SGK3: variants seen among roughly 807,000 people sequenced by gnomAD.
SGK3 encodes serine/threonine-protein kinase Sgk3.
In SGK3, 47 loss-of-function variants were observed where a neutral mutation model predicts 68.5. The observed-to-expected ratio is 0.69, with a 90% CI of 0.54 to 0.87. The LOEUF (loss-of-function observed/expected upper bound fraction) is 0.87, where lower values mean the gene tolerates loss of function less well. Ranked by LOEUF, SGK3 falls within the 40% of genes least tolerant of loss-of-function variation. The pLI is 0.00. For missense variants in SGK3, 479 were observed against 575.5 expected (o/e 0.83, Z 1.72); for synonymous variants, 181 against 189.1 (o/e 0.96, Z 0.35).
intron 1 of SGK3, among the ~76,000 whole-genome samples, chr8:66,747,280 T>C (rs994469442): frequency 6.6e-6 from 1 of 152,194 alleles, no homozygotes; most frequent in African/African-American, 2.4e-5. Flanking sequence ...CTCATTTTAA[T>C]GGTTTTGTTG....
intron 1 of SGK3, chr8:66,767,681 C>A (rs1806362881): frequency 7.1e-7 from 1 of 1,414,332 alleles, no homozygotes; most frequent in African/African-American, 1.4e-5. Flanking sequence ...GGATAGCCAT[C>A]ATCTGAGGCA....
At chr8:66,840,550 A>C in intron 12 of SGK3, 6 of 289,984 alleles carry the variant, frequency 2.1e-5, no homozygotes, top group Non-Finnish European at 3.8e-5. Flanking sequence ...GTGAAAACTG[A>C]ACAAGGTTGA....
intron 1 of SGK3, among the ~76,000 whole-genome samples, chr8:66,760,820 T>C (rs1357259837): frequency 6.6e-6 from 1 of 152,166 alleles, no homozygotes; most frequent in Middle Eastern, 3.2e-3. Context: ...AGAAGTGCTT[T>C]ATGTATACTT....
chr8:66,754,815 G>A (rs1805924607), intron 1 of SGK3, among the ~76,000 whole-genome samples: 1 of 152,218 alleles, frequency 6.6e-6, no homozygotes. Context: ...TTATATGCTA[G>A]TGATAAGCAA....
chr8:66,861,472 A>G lies in SGK3; in HGVS notation c.*1891A>G, dbSNP rs944647629. 2 of 152,188 alleles carry G rather than the reference A, an allele frequency of 1.3e-5. No individual in the cohort carries two copies. The highest frequency in any genetic ancestry group is 2.9e-5 in the Non-Finnish European group (2 of 68,026). The allele number at this position is 152,188 out of a possible 1,614,324, so 9.4% of individuals were successfully genotyped here. A position where few individuals can be genotyped will look rare whatever the true frequency, so the allele number is the denominator to read the frequency against. ...ATTTTAAAAAAAAGAGAGAGTAACT[A>G]CAGAAGAACTTTAAAAAATAAAAAA... On this transcript the variant is annotated 3_prime_UTR_variant, in exon 17 of 17. Transcript: ENST00000521198.
In SGK3 at chr8:66,852,277, CTTTTTTTTTTTTT is replaced by C. The variant is rs1204346785; in HGVS notation, c.1320+1368_1320+1380del. 6.5e-5 allele frequency among the ~76,000 whole-genome samples: 7 copies of C among 107,200 alleles called. 1 individual carries two copies. In the South Asian group the frequency reaches 1.5e-3, roughly 23 times the overall value. 70.3% of individuals were successfully genotyped at this position (107,200 alleles called of 152,430 possible). A position where few individuals can be genotyped will look rare whatever the true frequency, so the allele number is the denominator to read the frequency against. On this transcript the variant is annotated intron_variant, in intron 16 of 16. Coordinates refer to ENST00000521198, the MANE Select transcript of SGK3 (RefSeq NM_001033578.3). ...ATGTTGCTGCAAAACTTAAGGAATC[CTTTTTTTTTTTTT>C]TTTTTTTTTTGAGACAGAGTCTTGC...
At chr8:66,817,122 A>C (rs1216200525) in intron 5 of SGK3, among the ~76,000 whole-genome samples, 1 of 152,016 alleles carries the variant, frequency 6.6e-6, no homozygotes, top group Non-Finnish European at 1.5e-5. Flanking sequence ...GCCCAGCAGG[A>C]AATGTGCTTT....
At chr8:66,846,989 A>C (rs954533224) in intron 14 of SGK3, among the ~76,000 whole-genome samples, 19 of 152,172 alleles carry the variant, frequency 1.2e-4, no homozygotes, top group African/African-American at 4.6e-4. Context: ...GCCCTAATTC[A>C]TTCAGTGAAC....
At chr8:66,742,938 TG>T (rs1805525510) in intron 1 of SGK3, among the ~76,000 whole-genome samples, 1 of 152,204 alleles carries the variant, frequency 6.6e-6, no homozygotes, top group Non-Finnish European at 1.5e-5. Context: ...GCGCACACTT[TG>T]TTTTCCTGCT....
At chr8:66,738,855 C>T (rs943255030) in intron 1 of SGK3, among the ~76,000 whole-genome samples, 4 of 152,190 alleles carry the variant, frequency 2.6e-5, no homozygotes, top group Non-Finnish European at 5.9e-5. Context: ...TGGTCTCAAT[C>T]TTCTGGCCTC....
At chr8:66,817,049 G>A (rs1808616619) in intron 5 of SGK3, among the ~76,000 whole-genome samples, 1 of 150,984 alleles carries the variant, frequency 6.6e-6, no homozygotes, top group East Asian at 2.0e-4. Context: ...AGGCTGGGTT[G>A]GAACTCCTGA....
intron 3 of SGK3, among the ~76,000 whole-genome samples, chr8:66,800,386 T>C (rs1807890061): frequency 6.8e-6 from 1 of 147,076 alleles, no homozygotes; most frequent in South Asian, 2.1e-4. Flanking sequence ...TTTCTTTTTT[T>C]TTTTTTTTTT....
chr8:66,845,693 CTTAT>C (rs59371496), intron 14 of SGK3, among the ~76,000 whole-genome samples: 7,101 of 139,774 alleles, frequency 0.051, 413 homozygotes, highest in African/African-American at 0.14. Flanking sequence ...ACCTAGCTTG[CTTAT>C]TTATTTATTT....
chr8:66,740,207 C>T (rs1805439149), intron 1 of SGK3, among the ~76,000 whole-genome samples: 1 of 152,180 alleles, frequency 6.6e-6, no homozygotes. Context: ...CAGCAGGCTT[C>T]AGCTCATCTC....
Position 66,822,371 on chromosome 8 carries a change from G to A in SGK3, c.330-1G>A, listed in dbSNP as rs1249992526. On this transcript the variant is annotated splice_acceptor_variant, in intron 5 of 16. Transcript: ENST00000521198. LOFTEE classifies it high-confidence loss of function. ...ATAATAAAGTTAATTTTTGTTTTTAGTCCAGATGTCAGAGCATTCCTTCAA... is the reference window on the plus strand; with the variant it reads ...ATAATAAAGTTAATTTTTGTTTTTAATCCAGATGTCAGAGCATTCCTTCAA... 1.9e-6 allele frequency: 3 copies of A among 1,602,030 alleles called. No homozygotes were observed. The highest frequency in any genetic ancestry group is 2.6e-6 in the Non-Finnish European group (3 of 1,174,880).
intron 15 of SGK3, among the ~76,000 whole-genome samples, chr8:66,848,201 T>C (rs929591676): frequency 6.6e-6 from 1 of 152,212 alleles, no homozygotes; most frequent in African/African-American, 2.4e-5. Flanking sequence ...CACACCTCCT[T>C]GTCCCTTGGT....
In SGK3 at chr8:66,795,504, T is replaced by C. The variant is rs183805055; in HGVS notation, c.96+1672T>C. On this transcript the variant is annotated intron_variant, in intron 2 of 16. Transcript: ENST00000521198. ...TTTCTTCCTTCCTTCCCTCTCCTTA[T>C]TTTTGCCTTTGGGCCATTCTTTTCT... is the stretch of plus-strand genomic sequence containing the variant. Among the ~76,000 whole-genome samples, 424 of 152,344 alleles carry C rather than the reference T, an allele frequency of 2.8e-3. 5 individuals are homozygous for C. The highest frequency in any genetic ancestry group is 9.9e-3 in the African/African-American group (413 of 41,588).
At chr8:66,847,702 A>G (rs1810091146) in intron 15 of SGK3, among the ~76,000 whole-genome samples, 1 of 152,122 alleles carries the variant, frequency 6.6e-6, no homozygotes, top group South Asian at 2.1e-4. Context: ...GCTAAATAAT[A>G]CTAACATTTT....
At chr8:66,811,879 T>G (rs1808395272) in intron 4 of SGK3, among the ~76,000 whole-genome samples, 1 of 152,208 alleles carries the variant, frequency 6.6e-6, no homozygotes, top group Admixed American at 6.5e-5. Context: ...TAATGTAAAC[T>G]TCACATGTGC....
Sources: gnomAD v4.1 joint callset for allele counts (sites outside exome capture counted in the v4.1 genomes callset) on GRCh38, gnomAD v4.1.1 for gene constraint, MANE v1.5 for transcripts, NCBI Gene and HGNC (gene_info 2026-07-23, HGNC 2026-07-21) for gene names.